Variants in PDE4D observed in about 807,000 individuals in gnomAD.
The protein encoded by PDE4D is 3',5'-cyclic-AMP phosphodiesterase 4D.
In PDE4D, 24 loss-of-function variants were observed where a neutral mutation model predicts 87.4. That is an observed-to-expected ratio of 0.27 (90% CI 0.20 to 0.39). PDE4D has a LOEUF of 0.39. Among genes scored for constraint, PDE4D ranks in the 10% least tolerant of loss-of-function variants. PDE4D has a pLI of 1.00. For synonymous variants in PDE4D, 384 were observed against 383.2 expected, an observed-to-expected ratio of 1.00 and a Z score of -0.02; for missense variants, 714 against 1,041.0, an observed-to-expected ratio of 0.69 and a Z score of 4.32.
intron 2 of PDE4D, among the ~76,000 whole-genome samples, chr5:60,052,673 T>G (rs1402689486): frequency 6.6e-6 from 1 of 152,188 alleles, no homozygotes; most frequent in Non-Finnish European, 1.5e-5. Flanking sequence ...AACACAGTAT[T>G]GGAAGTTCTG....
chr5:59,615,615 A>T (rs901568250), intron 1 of PDE4D, among the ~76,000 whole-genome samples: 1 of 152,206 alleles, frequency 6.6e-6, no homozygotes, highest in African/African-American at 2.4e-5. Flanking sequence ...ATTTGCTCTT[A>T]TATCACCAGT....
chr5:59,077,867 A>G (rs1765982807), intron 5 of PDE4D, among the ~76,000 whole-genome samples: 1 of 152,182 alleles, frequency 6.6e-6, no homozygotes, highest in African/African-American at 2.4e-5. Flanking sequence ...AGAACAACAA[A>G]GACAAAAACC....
intron 1 of PDE4D, among the ~76,000 whole-genome samples, chr5:59,819,842 C>A (rs1769429639): frequency 6.6e-6 from 1 of 152,160 alleles, no homozygotes; most frequent in Non-Finnish European, 1.5e-5. Flanking sequence ...CAAGCGTGTG[C>A]AAATTAGAAC....
intron 2 of PDE4D, among the ~76,000 whole-genome samples, chr5:60,116,832 T>C (rs891209393): frequency 5.3e-5 from 8 of 152,078 alleles, no homozygotes; most frequent in Non-Finnish European, 1.0e-4. Context: ...GCATCTATCA[T>C]GTTAATAAGT....
intron 1 of PDE4D, among the ~76,000 whole-genome samples, chr5:59,827,106 A>T (rs550458533): frequency 6.6e-6 from 1 of 152,214 alleles, no homozygotes; most frequent in African/African-American, 2.4e-5. Flanking sequence ...CAGATAAAAA[A>T]TTTTGATTGC....
chr5:60,003,169 C>A (rs185097794), intron 2 of PDE4D, among the ~76,000 whole-genome samples: 1 of 152,036 alleles, frequency 6.6e-6, no homozygotes, highest in Admixed American at 6.6e-5. Context: ...TCTAAAAGAA[C>A]AAAATACTTA....
At chr5:59,324,158 C>T (rs983453651) in intron 1 of PDE4D, among the ~76,000 whole-genome samples, 1 of 152,152 alleles carries the variant, frequency 6.6e-6, no homozygotes, top group African/African-American at 2.4e-5. Flanking sequence ...TTCCTCTCTC[C>T]CTCTTGCTCA....
At chr5:59,529,379 G>T (rs1813735368) in intron 1 of PDE4D, 2 of 258,196 alleles carry the variant, frequency 7.7e-6, no homozygotes, top group South Asian at 9.1e-5. Flanking sequence ...ACAGGTAGGA[G>T]CAATGCTACT....
At chr5:59,205,659 C>CACAT (rs768223830) in intron 2 of PDE4D, among the ~76,000 whole-genome samples, 63 of 79,968 alleles carry the variant, frequency 7.9e-4, no homozygotes, top group African/African-American at 3.2e-3. Context: ...GCTAAACACA[C>CACAT]ACACACACAC....
At chr5:60,298,674 T>C (rs1204011674) in intron 1 of PDE4D, among the ~76,000 whole-genome samples, 1 of 152,198 alleles carries the variant, frequency 6.6e-6, no homozygotes, top group Non-Finnish European at 1.5e-5. Context: ...TGTGAAATGG[T>C]TTTTTATCTT....
chr5:60,319,854 A>G (rs766738579), intron 1 of PDE4D, among the ~76,000 whole-genome samples: 20 of 152,180 alleles, frequency 1.3e-4, no homozygotes, highest in Non-Finnish European at 2.9e-4. Flanking sequence ...GTTTTGTCTA[A>G]GAGGAGTACC....
intron 1 of PDE4D, among the ~76,000 whole-genome samples, chr5:60,372,293 A>G (rs1761108108): frequency 6.6e-6 from 1 of 152,176 alleles, no homozygotes; most frequent in Admixed American, 6.5e-5. Flanking sequence ...CCTGGCACTC[A>G]GCTCCTCTCT....
intron 3 of PDE4D, among the ~76,000 whole-genome samples, chr5:59,945,009 C>A (rs1252260194): frequency 6.6e-6 from 1 of 152,128 alleles, no homozygotes; most frequent in Admixed American, 6.5e-5. Flanking sequence ...TTAAGATATA[C>A]ACTGTTACAT....
intron 2 of PDE4D, among the ~76,000 whole-genome samples, chr5:60,044,362 T>A (rs928712509): frequency 1.8e-5 from 2 of 110,976 alleles, no homozygotes; most frequent in African/African-American, 3.5e-5. Context: ...TACTCTAGTT[T>A]TTCCTTTTTT....
chr5:59,468,429 T>C (rs1801921816), intron 1 of PDE4D, among the ~76,000 whole-genome samples: 1 of 152,140 alleles, frequency 6.6e-6, no homozygotes, highest in Non-Finnish European at 1.5e-5. Flanking sequence ...ATACCAAAAG[T>C]ACTTACCTAA....
intron 1 of PDE4D, among the ~76,000 whole-genome samples, chr5:60,220,733 C>T (rs907481068): frequency 1.3e-5 from 2 of 152,078 alleles, no homozygotes; most frequent in African/African-American, 4.8e-5. Context: ...CTTTAAGGCT[C>T]AATTCAGCCA....
chr5:60,199,162 G>A (rs1409968724), intron 1 of PDE4D, among the ~76,000 whole-genome samples: 3 of 151,690 alleles, frequency 2.0e-5, no homozygotes, highest in Admixed American at 6.6e-5. Flanking sequence ...CCAGCAAGAT[G>A]TGAATTGTGA....
chr5:59,274,760 CAGAGTA>C (rs1168193078), intron 1 of PDE4D, among the ~76,000 whole-genome samples: 2 of 151,910 alleles, frequency 1.3e-5, no homozygotes, highest in Non-Finnish European at 2.9e-5. Context: ...ATTTTTTCAT[CAGAGTA>C]AAAGCATTAA....
intron 3 of PDE4D, among the ~76,000 whole-genome samples, chr5:59,921,182 A>C (rs552145601): frequency 2.0e-5 from 3 of 152,192 alleles, no homozygotes; most frequent in Admixed American, 1.3e-4. Context: ...AGTGGGCAGG[A>C]TATTAAGTGT....
Sources: allele counts gnomAD v4.1 joint callset (sites outside exome capture counted in the v4.1 genomes callset), GRCh38; gene constraint gnomAD v4.1.1; transcripts MANE v1.5; gene names NCBI Gene and HGNC (gene_info 2026-07-23, HGNC 2026-07-21).